E2F7: variants seen among roughly 807,000 people sequenced by gnomAD.
E2F7 encodes the protein transcription factor E2F7.
A neutral mutation model predicts 81.1 loss-of-function variants in E2F7; 35 were observed. The observed-to-expected ratio is 0.43, with a 90% CI of 0.33 to 0.57. E2F7 has a LOEUF of 0.57. Ranked by LOEUF, E2F7 falls within the 20% of genes least tolerant of loss-of-function variation. The pLI is 0.04. For synonymous variants in E2F7, 416 were observed against 416.2 expected, an observed-to-expected ratio of 1.00 and a Z score of 0.01; for missense variants, 961 against 1,093.7, an observed-to-expected ratio of 0.88 and a Z score of 1.71.
rs138972708 is a variant in E2F7 at position 77,059,823 on chromosome 12, C to T, written c.94-3693G>A. On this transcript the variant is annotated intron_variant, in intron 2 of 12. Transcript: ENST00000322886. ...AATACAAAAACAAAAATTAGCTGGG[C>T]GTGGTGGCGGGCGCCTGTAGTCCCA... is the stretch of plus-strand genomic sequence containing the variant. 5.3e-5 allele frequency among the ~76,000 whole-genome samples: 8 copies of T among 152,054 alleles called. No homozygotes were observed. The East Asian group carries it at 1.5e-3, about 29-fold the overall frequency.
chr12:77,022,905 T>C lies in E2F7; in HGVS notation c.*1110A>G, dbSNP rs1954725129. ...TCAGAGGTACCAACTAACTACAGTT[T>C]GAATACCCTTGGATATGAAACATAT... On this transcript the variant is annotated 3_prime_UTR_variant, in exon 13 of 13. Transcript: ENST00000322886. The C allele has an allele frequency of 2.0e-5, 3 of 152,216 alleles. No individual in the cohort carries two copies. The allele number at this position is 152,216 out of a possible 1,614,324, so 9.4% of individuals were successfully genotyped here.
chr12:77,037,147 C>T (rs1025300381), intron 7 of E2F7, among the ~76,000 whole-genome samples: 1 of 152,156 alleles, frequency 6.6e-6, no homozygotes, highest in Non-Finnish European at 1.5e-5. Flanking sequence ...TCATCATTGG[C>T]AGGCTTGCAC....
intron 7 of E2F7, among the ~76,000 whole-genome samples, chr12:77,039,966 G>T (rs1026838395): frequency 4.6e-5 from 7 of 152,118 alleles, no homozygotes; most frequent in African/African-American, 1.7e-4. Context: ...TGAGTGAAAG[G>T]AGCCGGACCA....
rs984111575 is a variant in E2F7 at position 77,029,821 on chromosome 12, A to G, written c.1884+10T>C. On this transcript the variant is annotated intron_variant, in intron 10 of 12. Transcript: ENST00000322886. ...GATGTCACCAGACACATCCACCTGC[A>G]CTCCCTTACCTTGGGCATGACAAGC... is the stretch of plus-strand genomic sequence containing the variant. The G allele has an allele frequency of 1.9e-6, 3 of 1,612,904 alleles. No individual in the cohort carries two copies. Among genetic ancestry groups the G allele is most frequent in the Non-Finnish European group, 2.5e-6 (3 of 1,179,334 alleles).
At chr12:77,056,681 CG>C (rs1231784313) in intron 2 of E2F7, among the ~76,000 whole-genome samples, 1 of 152,174 alleles carries the variant, frequency 6.6e-6, no homozygotes, top group East Asian at 1.9e-4. Context: ...GTAAAGGACT[CG>C]TTTTTTTAGA....
intron 12 of E2F7, 130 bp downstream of exon 12, chr12:77,025,428 G>T: frequency 1.0e-6 from 1 of 983,676 alleles, no homozygotes; most frequent in Non-Finnish European, 1.5e-6. Context: ...ATAACTCTAG[G>T]TCTACAACGG....
chr12:77,034,276 A>AT (rs1954831157), intron 7 of E2F7, among the ~76,000 whole-genome samples: 1 of 152,102 alleles, frequency 6.6e-6, no homozygotes, highest in Non-Finnish European at 1.5e-5. Flanking sequence ...ATCCATATAT[A>AT]TTCTAAAATT....
intron 10 of E2F7, 61 bp downstream of exon 10, chr12:77,029,770 A>G: frequency 6.3e-7 from 1 of 1,588,386 alleles, no homozygotes; most frequent in Non-Finnish European, 8.6e-7. Flanking sequence ...GTGTATCTTC[A>G]TTAGGAAGAA....
At position 77,056,078 on chromosome 12, in the gene E2F7, T is replaced by G; in HGVS notation, c.146A>C (p.Asn49Thr). 2 of 1,614,034 alleles carry G rather than the reference T, an allele frequency of 1.2e-6. No homozygotes were observed. The highest frequency in any genetic ancestry group is 1.7e-6 in the Non-Finnish European group (2 of 1,179,966). ...SRMAPKTPIK[N>T]EPIDLSKQKK... Reference sequence around the variant, plus strand: ...TTGCTTCGATAAATCAATTGGTTCATTTTTTATTGGAGTCTTCGGGGCCAT... The same window carrying G: ...TTGCTTCGATAAATCAATTGGTTCAGTTTTTATTGGAGTCTTCGGGGCCAT... Residue 49 changes from asparagine (N) to threonine (T), a missense_variant, in exon 3 of 13, where the codon AAT becomes ACT. Asn to Thr is a moderately conservative substitution (Grantham distance 65). Coordinates refer to ENST00000322886, the MANE Select transcript of E2F7 (RefSeq NM_203394.3).
chr12:77,031,179 C>T lies in E2F7; in HGVS notation c.1383-847G>A, dbSNP rs142330000. Among the ~76,000 whole-genome samples, 1,193 of 152,026 alleles carry T rather than the reference C, an allele frequency of 7.8e-3. 13 individuals carry two copies. The highest frequency in any genetic ancestry group is 0.026 in the African/African-American group (1,079 of 41,444). ...TTGAGGCTGCAGTGAGCTACGATCA[C>T]GCCACTGCACTCCAGCCTGGGTGAC... On this transcript the variant is annotated intron_variant, in intron 9 of 12. Coordinates refer to ENST00000322886, the MANE Select transcript of E2F7 (RefSeq NM_203394.3).
chr12:77,063,675 G>A (rs1253809778), intron 2 of E2F7, among the ~76,000 whole-genome samples: 1 of 152,086 alleles, frequency 6.6e-6, no homozygotes, highest in Admixed American at 6.6e-5. Flanking sequence ...CCTAGATGGG[G>A]GAGCATACAA....
At position 77,056,077 on chromosome 12, in the gene E2F7, A is replaced by C; in HGVS notation, c.147T>G (p.Asn49Lys). Residue 49 changes from asparagine (N) to lysine (K), a missense_variant, in exon 3 of 13, where the codon AAT (asparagine) becomes AAG (lysine). Asn to Lys is a moderately conservative substitution (Grantham distance 94, BLOSUM62 0). Transcript: ENST00000322886. ...SRMAPKTPIK[N>K]EPIDLSKQKK... ...TTTGCTTCGATAAATCAATTGGTTCATTTTTTATTGGAGTCTTCGGGGCCA... is the reference window on the plus strand; with the variant it reads ...TTTGCTTCGATAAATCAATTGGTTCCTTTTTTATTGGAGTCTTCGGGGCCA... The C allele has an allele frequency of 6.2e-7, 1 of 1,614,002 alleles. No individual in the cohort carries two copies. Among genetic ancestry groups the C allele is most frequent in the South Asian group, 1.1e-5 (1 of 91,068 alleles).
At chr12:77,033,221 T>A in intron 8 of E2F7, 99 bp from the exon 9 acceptor site, 2 of 1,086,354 alleles carry the variant, frequency 1.8e-6, no homozygotes, top group Non-Finnish European at 1.3e-6. Context: ...TATTCTCAGC[T>A]CAAAGATTAC....
At chr12:77,045,538 A>T (rs1954933007) in intron 5 of E2F7, 1 of 153,938 alleles carries the variant, frequency 6.5e-6, no homozygotes, top group Admixed American at 6.4e-5. Context: ...CAATGGCTAA[A>T]ACAAGAAGAG....
rs768917107 is a variant in E2F7 at position 77,024,179 on chromosome 12, C to G, written c.2572G>C (p.Val858Leu). 23 of 1,610,566 alleles carry G rather than the reference C, an allele frequency of 1.4e-5. No homozygotes were observed. The African/African-American group carries it at 2.1e-4, about 15-fold the overall frequency. The change falls in exon 13 of 13, where the codon GTT becomes CTT. Residue 858 changes from valine to leucine, a missense_variant. Physicochemically the swap from Val to Leu is conservative, Grantham distance 32. This residue lies in a region of E2F7 where 587 missense variants were observed against 620.3 expected (regional missense o/e 0.95). Transcript: ENST00000322886. ...VSVVKLHQSP[V>L]PVTPKSIQRT... ...TGGATGCTCTTGGGGGTCACTGGAACTGGTGACTGAAAAAAGAAAAAAGAA... is the reference window on the plus strand; with the variant it reads ...TGGATGCTCTTGGGGGTCACTGGAAGTGGTGACTGAAAAAAGAAAAAAGAA...
intron 8 of E2F7, among the ~76,000 whole-genome samples, chr12:77,033,650 G>A (rs903828728): frequency 9.9e-5 from 15 of 152,200 alleles, no homozygotes; most frequent in Non-Finnish European, 1.6e-4. Flanking sequence ...TTTAGGCAAG[G>A]GGTCATGTTC....
At chr12:77,027,240 A>G (rs894275668) in intron 11 of E2F7, among the ~76,000 whole-genome samples, 3 of 152,238 alleles carry the variant, frequency 2.0e-5, no homozygotes, top group Admixed American at 2.0e-4. Context: ...CAAAGTACAT[A>G]TTTTTAAAAT....
chr12:77,052,963 G>A (rs146303458), intron 3 of E2F7, among the ~76,000 whole-genome samples: 108 of 152,200 alleles, frequency 7.1e-4, no homozygotes, highest in African/African-American at 2.5e-3. Context: ...ATCACAAAAA[G>A]ATACATACTG....
At chr12:77,028,174 T>C in intron 10 of E2F7, 36 bp from the exon 11 acceptor site, 1 of 1,581,290 alleles carries the variant, frequency 6.3e-7, no homozygotes, top group Non-Finnish European at 8.6e-7. Flanking sequence ...AGAAAGTAAG[T>C]TAAAATTCCA....
Sources: allele counts gnomAD v4.1 joint callset (sites outside exome capture counted in the v4.1 genomes callset), GRCh38; gene constraint gnomAD v4.1.1; regional missense constraint gnomAD v4.1.1; transcripts MANE v1.5; gene names NCBI Gene and HGNC (gene_info 2026-07-23, HGNC 2026-07-21).